The following GRB7 variants were observed in gnomAD, a reference collection of about 807,000 sequenced individuals.
The protein encoded by GRB7 is growth factor receptor bound protein 7, also known as growth factor receptor-bound protein 7.
GRB7 carries 47 observed loss-of-function variants against 64.1 expected under a neutral mutation model. The observed-to-expected ratio is 0.73, with a 90% CI of 0.58 to 0.94. The LOEUF (loss-of-function observed/expected upper bound fraction) is 0.94. Ranked by LOEUF, GRB7 falls within the 40% of genes least tolerant of loss-of-function variation. The pLI is 0.00. For synonymous variants in GRB7, 277 were observed against 279.9 expected, an observed-to-expected ratio of 0.99 and a Z score of 0.10; for missense variants, 634 against 718.4, an observed-to-expected ratio of 0.88 and a Z score of 1.34.
At chr17:39,745,101 G>A (rs1380316025) in intron 9 of GRB7, 117 bp downstream of exon 9, 2 of 1,094,512 alleles carry the variant, frequency 1.8e-6, no homozygotes, top group Non-Finnish European at 2.7e-6. Context: ...ATAACCCCCA[G>A]TCCAAGCCTG....
intron 5 of GRB7, 28 bp downstream of exon 5, chr17:39,743,329 T>A: frequency 6.2e-7 from 1 of 1,614,162 alleles, no homozygotes; most frequent in Admixed American, 1.7e-5. Flanking sequence ...GTCTGGGCGC[T>A]GGGATGCCCT....
At position 39,744,082 on chromosome 17, in the gene GRB7, GC is replaced by G; in HGVS notation, c.677del (p.Ala226ValfsTer53). ...HEDLIQNFLN[A>X]GSFPEIQGFL... is the part of the protein sequence containing the mutation. Reference sequence around the variant, plus strand: ...TCCTCTGGCTCAGAACTTCCTGAATGCTGGCAGCTTTCCTGAGATCCAGGGC... The same window carrying G: ...TCCTCTGGCTCAGAACTTCCTGAATGTGGCAGCTTTCCTGAGATCCAGGGC... On this transcript the variant is annotated frameshift_variant, in exon 7 of 15. Transcript: ENST00000309156. LOFTEE classifies it high-confidence loss of function. The G allele has an allele frequency of 6.2e-7, 1 of 1,614,200 alleles. No individual in the cohort carries two copies. Among genetic ancestry groups the G allele is most frequent in the South Asian group, 1.1e-5 (1 of 91,082 alleles).
At position 39,744,570 on chromosome 17, in the gene GRB7, G is replaced by C. The variant is rs772373583; in HGVS notation, c.819G>C (p.Gln273His). 1.9e-6 allele frequency: 3 copies of C among 1,610,452 alleles called. No homozygotes were observed. The African/African-American group carries it at 4.0e-5, about 22-fold the overall frequency. The change falls in exon 8 of 15, where the codon CAG (glutamine) becomes CAC (histidine). Residue 273 changes from glutamine (Q) to histidine (H), a missense_variant. Physicochemically the swap from Gln to His is conservative, Grantham distance 24. This residue lies in a region of GRB7 where 467 missense variants were observed against 576.6 expected (regional missense o/e 0.81). Coordinates refer to ENST00000309156, the MANE Select transcript of GRB7 (RefSeq NM_005310.5). ...KGTSKDPRHL[Q>H]YVADVNESNV... ...CTGCTTAGGATCCGAGGCACCTGCA[G>C]TACGTGGCAGATGTGAACGAGTCCA...
rs552316806 is a variant in GRB7 at position 39,746,275 on chromosome 17, C to G, written c.1452+73C>G. On this transcript the variant is annotated intron_variant, in intron 14 of 14. Coordinates refer to ENST00000309156, the MANE Select transcript of GRB7 (RefSeq NM_005310.5). ...CCAGCAACCTGTCCTCCTCACCAGGCCCCTCCAGAGGCTCCCTGGCCCCCA... is the reference window on the plus strand; with the variant it reads ...CCAGCAACCTGTCCTCCTCACCAGGGCCCTCCAGAGGCTCCCTGGCCCCCA... 2.7e-4 allele frequency: 338 copies of G among 1,252,898 alleles called. 2 individuals carry two copies. The African/African-American group carries it at 4.7e-3, about 17-fold the overall frequency. The allele number at this position is 1,252,898 out of a possible 1,614,324, so 77.6% of individuals were successfully genotyped here.
intron 1 of GRB7, among the ~76,000 whole-genome samples, chr17:39,741,241 A>G (rs1303907702): frequency 6.6e-6 from 1 of 152,162 alleles, no homozygotes; most frequent in Non-Finnish European, 1.5e-5. Context: ...AGAGTCATTC[A>G]GTCTGAATGT....
At chr17:39,739,181 C>G (rs1368018464) in intron 1 of GRB7, among the ~76,000 whole-genome samples, 2 of 151,086 alleles carry the variant, frequency 1.3e-5, no homozygotes, top group African/African-American at 4.9e-5. Context: ...CGCACCGCCC[C>G]CCAGGAATGC....
At chr17:39,740,322 G>A in intron 1 of GRB7, 1 of 234,902 alleles carries the variant, frequency 4.3e-6, no homozygotes, top group Non-Finnish European at 7.0e-6. Context: ...CTGTCTTCTT[G>A]AGTGTTTTCC....
At chr17:39,741,742 G>C (rs996578860) in intron 1 of GRB7, among the ~76,000 whole-genome samples, 1 of 152,166 alleles carries the variant, frequency 6.6e-6, no homozygotes. Context: ...CACTGGAGCC[G>C]GGCGTGGTGG....
chr17:39,743,108 G>A (rs1386662641), intron 4 of GRB7, 54 bp downstream of exon 4: 8 of 1,600,470 alleles, frequency 5.0e-6, no homozygotes. Context: ...TTGCATCTTG[G>A]GCTAGGCATG....
intron 1 of GRB7, among the ~76,000 whole-genome samples, chr17:39,742,043 T>C (rs1394027893): frequency 6.6e-6 from 1 of 151,060 alleles, no homozygotes; most frequent in Non-Finnish European, 1.5e-5. Context: ...ACACAGGTTC[T>C]ACTCCCGACT....
chr17:39,745,535 G>C lies in GRB7; in HGVS notation c.1206G>C (p.Trp402Cys), dbSNP rs2060037564. The C allele has an allele frequency of 6.2e-7, 1 of 1,610,630 alleles. No individual in the cohort carries two copies. Among genetic ancestry groups the C allele is most frequent in the African/African-American group, 1.3e-5 (1 of 74,880 alleles). The change falls in exon 11 of 15, where the codon TGG becomes TGC. Residue 402 changes from tryptophan to cysteine, a missense_variant. By Grantham distance (215) the Trp-to-Cys change is radical. Coordinates refer to ENST00000309156, the MANE Select transcript of GRB7 (RefSeq NM_005310.5). ...TGGCCCTGGAGGAGGCCCAGGCCTG[G>C]AGGGTGAGGCCTGCTGTGTGTGTGT... Reference protein sequence around the residue: ...LSVALEEAQAWRKKTNHRLSL... With the variant: ...LSVALEEAQACRKKTNHRLSL...
Position 39,742,953 on chromosome 17 carries a change from G to A in GRB7, c.362G>A (p.Gly121Asp), listed in dbSNP as rs148619324. ...TGCAGGTCTGTGGAGGTGGCAGCAGGTGCCACAGCTCGCCACGTGTGTGAA... is the reference window on the plus strand; with the variant it reads ...TGCAGGTCTGTGGAGGTGGCAGCAGATGCCACAGCTCGCCACGTGTGTGAA... ...GACRSVEVAA[G>D]ATARHVCEML... The change falls in exon 4 of 15, where the codon GGT becomes GAT. Residue 121 changes from glycine to aspartate, a missense_variant. By Grantham distance (94) the Gly-to-Asp change is moderately conservative. This residue lies in a region of GRB7 where 467 missense variants were observed against 576.6 expected (regional missense o/e 0.81). Transcript: ENST00000309156. The A allele has an allele frequency of 4.5e-4, 723 of 1,612,872 alleles. No individual in the cohort carries two copies. The highest frequency in any genetic ancestry group is 7.3e-4 in the Admixed American group (44 of 59,894).
At chr17:39,744,305 G>T in intron 7 of GRB7, 98 bp downstream of exon 7, 1 of 1,422,622 alleles carries the variant, frequency 7.0e-7, no homozygotes, top group Non-Finnish European at 9.7e-7. Flanking sequence ...TCTCCCCCTG[G>T]GCCCCCCAGG....
rs781309502 is a variant in GRB7 at position 39,745,236 on chromosome 17, C to A, written c.1012-7C>A. The A allele has an allele frequency of 7.8e-5, 124 of 1,591,974 alleles. No homozygotes were observed. The highest frequency in any genetic ancestry group is 5.6e-5 in the Non-Finnish European group (65 of 1,167,950). On this transcript the variant is annotated splice_polypyrimidine_tract_variant and splice_region_variant and intron_variant, in intron 9 of 14. Coordinates refer to ENST00000309156, the MANE Select transcript of GRB7 (RefSeq NM_005310.5). ...ACCTCAAGCTCTCTTTCTCTCCCCA[C>A]CCCCAGTACGGGGTGCAGCTGTACA...
intron 3 of GRB7, 62 bp downstream of exon 3, chr17:39,742,778 C>T: frequency 1.3e-6 from 2 of 1,524,270 alleles, no homozygotes; most frequent in African/African-American, 1.4e-5. Context: ...GGGAGATACA[C>T]AGCCGCTTCC....
chr17:39,739,446 C>A (rs1385127063), intron 1 of GRB7, among the ~76,000 whole-genome samples: 4 of 152,222 alleles, frequency 2.6e-5, no homozygotes, highest in African/African-American at 9.7e-5. Context: ...GGGTTTCTCA[C>A]CTTCTCACCT....
Position 39,746,338 on chromosome 17 carries a change from T to C in GRB7, c.1452+136T>C, listed in dbSNP as rs144501896. On this transcript the variant is annotated intron_variant, in intron 14 of 14. Transcript: ENST00000309156. Reference sequence around the variant, plus strand: ...TTTCCCTGCACAAGAAGTGGGAGGCTGAGTGCGGTGGCTCACACCTGTAAT... The same window carrying C: ...TTTCCCTGCACAAGAAGTGGGAGGCCGAGTGCGGTGGCTCACACCTGTAAT... 178 of 727,130 alleles carry C rather than the reference T, an allele frequency of 2.4e-4. No homozygotes were observed. In the African/African-American group the frequency reaches 2.8e-3, roughly 11 times the overall value. The allele number at this position is 727,130 out of a possible 1,614,324, so 45.0% of individuals were successfully genotyped here. A position where few individuals can be genotyped will look rare whatever the true frequency, so the allele number is the denominator to read the frequency against.
intron 9 of GRB7, 116 bp from the exon 10 acceptor site, chr17:39,745,127 C>T (rs1257863885): frequency 9.0e-7 from 1 of 1,105,008 alleles, no homozygotes; most frequent in Non-Finnish European, 1.3e-6. Context: ...ATAGGAAGTG[C>T]CCATCGAAGG....
intron 6 of GRB7, chr17:39,743,711 A>G (rs2060017397): frequency 1.8e-6 from 1 of 570,268 alleles, no homozygotes; most frequent in Non-Finnish European, 3.1e-6. Flanking sequence ...ACGGTGGCTC[A>G]TGCCTATAAT....
Sources: allele counts gnomAD v4.1 joint callset (sites outside exome capture counted in the v4.1 genomes callset), GRCh38; gene constraint gnomAD v4.1.1; regional missense constraint gnomAD v4.1.1; transcripts MANE v1.5; gene names NCBI Gene and HGNC (gene_info 2026-07-23, HGNC 2026-07-21).